SCOC: variants seen among roughly 807,000 people sequenced by gnomAD.
SCOC encodes short coiled coil protein.
A neutral mutation model predicts 9.9 loss-of-function variants in SCOC; 7 were observed. That is an observed-to-expected ratio of 0.71 (90% CI 0.40 to 1.33). The LOEUF (loss-of-function observed/expected upper bound fraction) is 1.33. Ranked by LOEUF, SCOC falls within the 40% of genes most tolerant of loss-of-function variation. The pLI, the probability that SCOC is intolerant of heterozygous loss-of-function variation, is 0.01. For synonymous variants in SCOC, 19 were observed against 28.2 expected (o/e 0.67, Z 1.03); for missense variants, 66 against 89.7 (o/e 0.74, Z 1.07).
At chr4:140,258,405 A>C (rs1730557248) in intron 1 of SCOC, among the ~76,000 whole-genome samples, 1 of 152,144 alleles carries the variant, frequency 6.6e-6, no homozygotes, top group Non-Finnish European at 1.5e-5. Context: ...AGACATCTCT[A>C]TTCCTATCTC....
At chr4:140,280,607 G>A (rs1253997559) in intron 1 of SCOC, among the ~76,000 whole-genome samples, 6 of 152,182 alleles carry the variant, frequency 3.9e-5, no homozygotes, top group African/African-American at 4.8e-5. Context: ...CTTGGTATGC[G>A]TCTAGAATAA....
At chr4:140,374,899 G>T (rs1005101835) in intron 1 of SCOC, among the ~76,000 whole-genome samples, 2 of 152,172 alleles carry the variant, frequency 1.3e-5, no homozygotes, top group Non-Finnish European at 2.9e-5. Context: ...GTTTCCTTCT[G>T]TTGATTTGAT....
intron 1 of SCOC, among the ~76,000 whole-genome samples, chr4:140,258,221 C>G (rs1054828340): frequency 5.9e-5 from 9 of 152,204 alleles, no homozygotes; most frequent in African/African-American, 1.9e-4. Context: ...AAATAACCCC[C>G]ATTTTCTGGC....
At chr4:140,328,654 G>T (rs1560703348) in intron 1 of SCOC, among the ~76,000 whole-genome samples, 2 of 152,142 alleles carry the variant, frequency 1.3e-5, no homozygotes, top group Non-Finnish European at 1.5e-5. Context: ...CTGGGTGTTG[G>T]ATACATATTA....
chr4:140,333,473 CTG>C (rs1218837470), intron 1 of SCOC, among the ~76,000 whole-genome samples: 1 of 152,096 alleles, frequency 6.6e-6, no homozygotes, highest in Non-Finnish European at 1.5e-5. Context: ...AATGTAAACT[CTG>C]TGATTAGAAG....
chr4:140,286,389 CAGAG>C (rs979147775), intron 1 of SCOC, among the ~76,000 whole-genome samples: 3 of 151,422 alleles, frequency 2.0e-5, no homozygotes, highest in African/African-American at 7.3e-5. Flanking sequence ...AAACAAAAAA[CAGAG>C]GGAGGGATAG....
intron 1 of SCOC, among the ~76,000 whole-genome samples, chr4:140,323,390 T>G (rs1732556073): frequency 6.6e-6 from 1 of 152,228 alleles, no homozygotes; most frequent in Non-Finnish European, 1.5e-5. Context: ...ATAATCTCTT[T>G]TCTTTAGAAA....
At chr4:140,330,895 T>A (rs975507402) in intron 1 of SCOC, among the ~76,000 whole-genome samples, 102 of 152,210 alleles carry the variant, frequency 6.7e-4, no homozygotes, top group East Asian at 3.8e-4. Flanking sequence ...TTTGTGCCCA[T>A]TGGGATGAAA....
At chr4:140,275,665 T>A (rs1025056771) in intron 1 of SCOC, among the ~76,000 whole-genome samples, 3 of 152,192 alleles carry the variant, frequency 2.0e-5, no homozygotes, top group Non-Finnish European at 4.4e-5. Flanking sequence ...ACCCTTTTTA[T>A]CTTTCACAGT....
At chr4:140,316,378 T>A (rs1441597178) in intron 1 of SCOC, among the ~76,000 whole-genome samples, 1 of 152,122 alleles carries the variant, frequency 6.6e-6, no homozygotes, top group Non-Finnish European at 1.5e-5. Context: ...TACCCATTCT[T>A]TAGTTGTCTG....
intron 2 of SCOC, chr4:140,366,192 TTTTTTTTC>T: frequency 3.0e-6 from 2 of 658,270 alleles, no homozygotes; most frequent in Admixed American, 4.4e-5. Flanking sequence ...TCTTTTTTTT[TTTTTTTTC>T]CCAAATAGAA....
At chr4:140,272,291 G>A (rs573804251) in intron 1 of SCOC, among the ~76,000 whole-genome samples, 48 of 151,746 alleles carry the variant, frequency 3.2e-4, no homozygotes, top group African/African-American at 1.2e-3. Flanking sequence ...TTACGCTCAA[G>A]GGATTCTCCC....
At chr4:140,373,817 G>T in intron 1 of SCOC, 100 bp downstream of exon 1, 1 of 1,305,596 alleles carries the variant, frequency 7.7e-7, no homozygotes, top group Non-Finnish European at 1.1e-6. Context: ...GCTGGACGCG[G>T]CCCTGCGCAC....
chr4:140,279,858 C>T (rs1401540057), intron 1 of SCOC, among the ~76,000 whole-genome samples: 1 of 152,198 alleles, frequency 6.6e-6, no homozygotes, highest in Non-Finnish European at 1.5e-5. Flanking sequence ...GTGGTGTCAG[C>T]AACCCAGACT....
intron 1 of SCOC, among the ~76,000 whole-genome samples, chr4:140,308,859 G>A (rs928169464): frequency 6.6e-6 from 1 of 152,132 alleles, no homozygotes; most frequent in African/African-American, 2.4e-5. Context: ...AGAGTGCCTG[G>A]GTCACTGATG....
intron 1 of SCOC, among the ~76,000 whole-genome samples, chr4:140,337,623 C>T (rs1050208142): frequency 1.3e-5 from 2 of 152,102 alleles, no homozygotes; most frequent in East Asian, 1.9e-4. Flanking sequence ...GGGGATATCA[C>T]CACCGATCCC....
At chr4:140,277,928 A>G (rs1314356319) in intron 1 of SCOC, among the ~76,000 whole-genome samples, 2 of 152,232 alleles carry the variant, frequency 1.3e-5, no homozygotes, top group Admixed American at 6.5e-5. Flanking sequence ...AAGAAAACAA[A>G]GGTGGCAAAA....
chr4:140,317,546 G>C (rs1732359871), intron 1 of SCOC, among the ~76,000 whole-genome samples: 1 of 151,446 alleles, frequency 6.6e-6, no homozygotes, highest in African/African-American at 2.4e-5. Flanking sequence ...GCCCTTAAAA[G>C]AGACAGGAAT....
intron 2 of SCOC, among the ~76,000 whole-genome samples, chr4:140,368,268 T>C (rs1400855749): frequency 6.6e-6 from 1 of 152,192 alleles, no homozygotes; most frequent in Non-Finnish European, 1.5e-5. Context: ...TACATCATAA[T>C]TTTTGCCACA....
Sources: allele counts gnomAD v4.1 joint callset (sites outside exome capture counted in the v4.1 genomes callset), GRCh38; gene constraint gnomAD v4.1.1; transcripts MANE v1.5; gene names NCBI Gene and HGNC (gene_info 2026-07-23, HGNC 2026-07-21).